The following N4BP2L2 variants were observed in gnomAD, a reference collection of about 807,000 sequenced individuals.
The protein encoded by N4BP2L2 is NEDD4-binding protein 2-like 2.
N4BP2L2 carries 50 observed loss-of-function variants against 56.2 expected under a neutral mutation model. The ratio of observed to expected loss-of-function variants is 0.89; its 90% CI spans 0.71 to 1.13. The LOEUF (loss-of-function observed/expected upper bound fraction) is 1.13. N4BP2L2 is among the 50% of genes most tolerant of loss of function. N4BP2L2 has a pLI of 0.00. For missense variants in N4BP2L2, 689 were observed against 693.8 expected (o/e 0.99, Z 0.08); for synonymous variants, 203 against 223.6 (o/e 0.91, Z 0.82).
chr13:32,535,737 T>C, intron 2 of N4BP2L2, 32 bp downstream of exon 2: 1 of 1,574,430 alleles, frequency 6.4e-7, no homozygotes, highest in Non-Finnish European at 8.6e-7. Flanking sequence ...AATAATGAAT[T>C]ACCAAGTATT....
intron 3 of N4BP2L2, chr13:32,526,777 AC>A (rs1454773086): frequency 6.8e-6 from 1 of 146,718 alleles, no homozygotes; most frequent in African/African-American, 2.5e-5. Flanking sequence ...GATCAATGAA[AC>A]CAAAATATCT....
chr13:32,529,723 TTTC>T (rs1566184171), intron 2 of N4BP2L2, among the ~76,000 whole-genome samples: 1 of 150,628 alleles, frequency 6.6e-6, no homozygotes, highest in Non-Finnish European at 1.5e-5. Flanking sequence ...GGTCATTTCT[TTTC>T]TTTTCTTTTT....
chr13:32,458,353 C>T (rs2079364337), intron 6 of N4BP2L2, among the ~76,000 whole-genome samples: 1 of 152,330 alleles, frequency 6.6e-6, no homozygotes, highest in South Asian at 2.1e-4. Context: ...GCGTGAGCCA[C>T]TGTGCCCGGC....
intron 8 of N4BP2L2, chr13:32,436,480 A>C: frequency 1.6e-6 from 1 of 624,114 alleles, no homozygotes; most frequent in Non-Finnish European, 2.7e-6. Context: ...CATTTTACTC[A>C]TGTAGGGACA....
At chr13:32,472,436 C>T (rs898311441) in intron 6 of N4BP2L2, among the ~76,000 whole-genome samples, 1 of 152,142 alleles carries the variant, frequency 6.6e-6, no homozygotes, top group Non-Finnish European at 1.5e-5. Flanking sequence ...ATATATAATG[C>T]CACTGGTAAG....
intron 3 of N4BP2L2, among the ~76,000 whole-genome samples, chr13:32,526,564 T>TGA (rs2052866746): frequency 6.6e-6 from 1 of 152,178 alleles, no homozygotes; most frequent in Non-Finnish European, 1.5e-5. Flanking sequence ...GATGGGTCTA[T>TGA]GAGGTTCATT....
intron 6 of N4BP2L2, among the ~76,000 whole-genome samples, chr13:32,498,136 C>T (rs2089183071): frequency 6.6e-6 from 1 of 151,976 alleles, no homozygotes; most frequent in South Asian, 2.1e-4. Flanking sequence ...AGGCATATGC[C>T]ACCATACTTG....
chr13:32,528,603 G>C (rs887626334), intron 2 of N4BP2L2, among the ~76,000 whole-genome samples: 4 of 152,158 alleles, frequency 2.6e-5, no homozygotes, highest in Admixed American at 1.3e-4. Flanking sequence ...GCAAGATAAT[G>C]ATTTGGATCC....
intron 6 of N4BP2L2, among the ~76,000 whole-genome samples, chr13:32,493,346 T>A (rs181582199): frequency 6.6e-6 from 1 of 152,268 alleles, no homozygotes; most frequent in African/African-American, 2.4e-5. Flanking sequence ...GTTGCACATG[T>A]CCAAGAATTA....
chr13:32,478,904 T>A (rs2083945205), intron 6 of N4BP2L2: 1 of 152,144 alleles, frequency 6.6e-6, no homozygotes, highest in African/African-American at 2.4e-5. Flanking sequence ...CCGAAGTGGA[T>A]GGATCACCTG....
exon 3 of N4BP2L2, chr13:32,527,522 C>T (rs771962748): frequency 1.9e-6 from 3 of 1,611,834 alleles, no homozygotes; most frequent in East Asian, 4.5e-5. Context: ...CGATTCTGAC[C>T]AAGCAGAATT....
At chr13:32,505,151 C>CA (rs1447671193) in intron 6 of N4BP2L2, 3 of 152,286 alleles carry the variant, frequency 2.0e-5, no homozygotes, top group African/African-American at 7.2e-5. Flanking sequence ...CAATCATCTT[C>CA]AGGGTCATTC....
chr13:32,530,254 C>T (rs191433693), intron 2 of N4BP2L2, among the ~76,000 whole-genome samples: 3 of 152,084 alleles, frequency 2.0e-5, no homozygotes, highest in Non-Finnish European at 1.5e-5. Flanking sequence ...GACTTTTCCT[C>T]CCAGGCAGCA....
chr13:32,517,890 G>A lies in N4BP2L2; in HGVS notation c.1664C>T (p.Thr555Ile), dbSNP rs1242135537. 7 of 1,613,954 alleles carry A rather than the reference G, an allele frequency of 4.3e-6. No individual in the cohort carries two copies. In the Admixed American group the frequency reaches 1.0e-4, roughly 23 times the overall value. The change falls in exon 6 of 6, where the codon ACA becomes ATA. Residue 555 changes from threonine to isoleucine, a missense_variant. Physicochemically the swap from Thr to Ile is moderately conservative, Grantham distance 89. Transcript: ENST00000267068. ...CCCCTGTGGAGGAGGAGGTCTTTGTGTGCTTTTGTGTGATGGTTCCACTGA... is the reference window on the plus strand; with the variant it reads ...CCCCTGTGGAGGAGGAGGTCTTTGTATGCTTTTGTGTGATGGTTCCACTGA...
intron 6 of N4BP2L2, chr13:32,478,016 A>G: frequency 7.8e-7 from 1 of 1,289,370 alleles, no homozygotes; most frequent in Non-Finnish European, 1.0e-6. Flanking sequence ...ATCATCTTGT[A>G]CCAGAACCTC....
At chr13:32,442,404 A>G (rs2076526567) in exon 7 of N4BP2L2, 1 of 1,591,780 alleles carries the variant, frequency 6.3e-7, no homozygotes, top group Non-Finnish European at 8.5e-7. Flanking sequence ...GAACGCCTGG[A>G]GATCCAAAAA....
At chr13:32,435,127 C>CA (rs1422226594) in intron 9 of N4BP2L2, among the ~76,000 whole-genome samples, 1 of 152,208 alleles carries the variant, frequency 6.6e-6, no homozygotes, top group African/African-American at 2.4e-5. Context: ...CCTTGCCCAA[C>CA]ATGCTATGGT....
intron 9 of N4BP2L2, among the ~76,000 whole-genome samples, chr13:32,435,194 A>G (rs1394662790): frequency 6.6e-6 from 1 of 152,128 alleles, no homozygotes; most frequent in Non-Finnish European, 1.5e-5. Context: ...TTTTACTGCT[A>G]TATCTTCAGT....
In N4BP2L2 at chr13:32,529,673, CGTTTT is replaced by C. The variant is rs1053147457; in HGVS notation, c.1260-2146_1260-2142del. Among the ~76,000 whole-genome samples the C allele has an allele frequency of 2.2e-3, 325 of 147,068 alleles. 3 individuals carry two copies. The highest frequency in any genetic ancestry group is 7.3e-3 in the African/African-American group (293 of 39,926). Reference sequence around the variant, plus strand: ...TCCTTTTTTGTTTTTTTTTTTGTTTCGTTTTGTTTTGTTTTTTCCATTCTATTACT... The same window carrying C: ...TCCTTTTTTGTTTTTTTTTTTGTTTCGTTTTGTTTTTTCCATTCTATTACT... On this transcript the variant is annotated intron_variant, in intron 2 of 5. Coordinates refer to ENST00000267068, the Ensembl canonical transcript of N4BP2L2.
Sources: allele counts gnomAD v4.1 joint callset (sites outside exome capture counted in the v4.1 genomes callset), GRCh38; gene constraint gnomAD v4.1.1; transcripts MANE v1.5; gene names NCBI Gene and HGNC (gene_info 2026-07-23, HGNC 2026-07-21).